PIEZO2: variants seen among roughly 807,000 people sequenced by gnomAD.
PIEZO2 encodes the protein piezo-type mechanosensitive ion channel component 2.
PIEZO2 carries 172 observed loss-of-function variants against 337.3 expected under a neutral mutation model. That is an observed-to-expected ratio of 0.51 (90% CI 0.45 to 0.58). PIEZO2 has a LOEUF of 0.58. Ranked by LOEUF, PIEZO2 falls within the 20% of genes least tolerant of loss-of-function variation. The pLI, the probability that PIEZO2 is intolerant of heterozygous loss-of-function variation, is 0.00. For synonymous variants in PIEZO2, 1,251 were observed against 1,228.5 expected (o/e 1.02, Z -0.38); for missense variants, 3,028 against 3,391.3 (o/e 0.89, Z 2.66).
intron 18 of PIEZO2, among the ~76,000 whole-genome samples, chr18:10,778,868 G>A (rs1420071626): frequency 3.3e-5 from 5 of 152,178 alleles, no homozygotes; most frequent in Non-Finnish European, 5.9e-5. Flanking sequence ...GCTGCCAAGG[G>A]AGCCCATCAA....
intron 3 of PIEZO2, among the ~76,000 whole-genome samples, chr18:10,975,251 T>C (rs2034398714): frequency 6.6e-6 from 1 of 152,210 alleles, no homozygotes; most frequent in South Asian, 2.1e-4. Context: ...CCTTCAAATT[T>C]CACTAACATC....
At chr18:11,140,613 G>T (rs1382874273) in intron 1 of PIEZO2, among the ~76,000 whole-genome samples, 1 of 152,130 alleles carries the variant, frequency 6.6e-6, no homozygotes, top group African/African-American at 2.4e-5. Flanking sequence ...ACAAAGATGG[G>T]TGTTAGTGTA....
Position 10,701,000 on chromosome 18 carries a change from T to C in PIEZO2, c.6441+989A>G, listed in dbSNP as rs575274877. On this transcript the variant is annotated intron_variant, in intron 43 of 55. Coordinates refer to ENST00000674853, the MANE Select transcript of PIEZO2 (RefSeq NM_001378183.1). ...CACTCAGATGAAACCGAGTTTGAAA[T>C]AGCTCACTGAGCTAGGGCAGAAGAA... Among the ~76,000 whole-genome samples, 3 of 152,308 alleles carry C rather than the reference T, an allele frequency of 2.0e-5. No homozygotes were observed. In the South Asian group the frequency reaches 6.2e-4, roughly 32 times the overall value.
rs561477743 is a variant in PIEZO2 at position 11,083,191 on chromosome 18, A to G, written c.65-16969T>C. On this transcript the variant is annotated intron_variant, in intron 1 of 55. Transcript: ENST00000674853. This position sits in a 1 kb window ranked among gnomAD's most constrained non-coding sequence, Gnocchi z 4.4. ...ATAAAGACAGACTTCTCTTAGACAA[A>G]TGTGAATATGCTGATTTTACAGATG... Among the ~76,000 whole-genome samples the G allele has an allele frequency of 6.6e-6, 1 of 152,328 alleles. No individual in the cohort carries two copies. Among genetic ancestry groups the G allele is most frequent in the Admixed American group, 6.5e-5 (1 of 15,296 alleles).
At position 11,105,770 on chromosome 18, in the gene PIEZO2, A is replaced by G. The variant is rs144528471; in HGVS notation, c.65-39548T>C. On this transcript the variant is annotated intron_variant, in intron 1 of 55. Coordinates refer to ENST00000674853, the MANE Select transcript of PIEZO2 (RefSeq NM_001378183.1). This position sits in a 1 kb window ranked among gnomAD's most constrained non-coding sequence, Gnocchi z 4.3. Reference sequence around the variant, plus strand: ...AAAGCTCCGTAACCATATAAAAGTTATATTATAAAAGATAAGCAAAATTAC... The same window carrying G: ...AAAGCTCCGTAACCATATAAAAGTTGTATTATAAAAGATAAGCAAAATTAC... Among the ~76,000 whole-genome samples the G allele has an allele frequency of 2.8e-3, 431 of 152,266 alleles. 1 individual carries two copies. Among genetic ancestry groups the G allele is most frequent in the Non-Finnish European group, 5.2e-3 (357 of 68,030 alleles).
chr18:10,961,885 G>T (rs1273254205), intron 3 of PIEZO2, among the ~76,000 whole-genome samples: 1 of 151,950 alleles, frequency 6.6e-6, no homozygotes, highest in East Asian at 1.9e-4. Flanking sequence ...AAATAACAAA[G>T]AAATAGACAC....
At position 10,778,836 on chromosome 18, in the gene PIEZO2, G is replaced by A. The variant is rs1024200045; in HGVS notation, c.2534+1489C>T. ...ATTCATGATATAAGTCTCGTCCTTC[G>A]GGATCAAAAGTCATACGAGTTGCTG... On this transcript the variant is annotated intron_variant, in intron 18 of 55. Transcript: ENST00000674853. 1.2e-4 allele frequency among the ~76,000 whole-genome samples: 18 copies of A among 152,270 alleles called. 1 individual carries two copies. In the South Asian group the frequency reaches 1.7e-3, roughly 14 times the overall value.
chr18:10,868,863 G>A (rs538862389), intron 5 of PIEZO2, among the ~76,000 whole-genome samples: 2 of 152,280 alleles, frequency 1.3e-5, no homozygotes, highest in South Asian at 4.1e-4. Context: ...GGCTTTCTTA[G>A]TCCTATGGCA....
intron 39 of PIEZO2, chr18:10,709,411 A>G (rs903342509): frequency 6.6e-6 from 1 of 152,272 alleles, no homozygotes; most frequent in African/African-American, 2.4e-5. Context: ...GATCCTCTAC[A>G]GAAAGCAACT....
chr18:10,704,633 G>T lies in PIEZO2; in HGVS notation c.6019C>A (p.Leu2007Ile). Residue 2007 changes from leucine to isoleucine, a missense_variant, in exon 42 of 56, where the codon CTT becomes ATT. Around this residue, in one of 5 missense-constraint regions of PIEZO2, gnomAD observed 1,925 missense variants for 2,051.9 expected, o/e 0.94. Coordinates refer to ENST00000674853, the MANE Select transcript of PIEZO2 (RefSeq NM_001378183.1). ...ACGTAGAATTTCTCTGACTCTTCAA[G>T]CTCATCGTCGTGAAACATCCTGTTA... ...LLKKMFHDDE[L>I]EESEKFYVGQ... The T allele has an allele frequency of 6.5e-7, 1 of 1,536,766 alleles. No homozygotes were observed. Among genetic ancestry groups the T allele is most frequent in the South Asian group, 1.2e-5 (1 of 84,056 alleles).
In PIEZO2 at chr18:10,979,522, C is replaced by G; in HGVS notation, c.286+13G>C. 6.6e-7 allele frequency: 1 copy of G among 1,512,650 alleles called. No individual in the cohort carries two copies. The highest frequency in any genetic ancestry group is 8.8e-7 in the Non-Finnish European group (1 of 1,132,010). The allele number at this position is 1,512,650 out of a possible 1,614,324, so 93.7% of individuals were successfully genotyped here. A position where few individuals can be genotyped will look rare whatever the true frequency, so the allele number is the denominator to read the frequency against. ...TAAAAGAAAACAATAAAAGAAAACA[C>G]CATAATACTCACAGTTGTAGCCAGG... On this transcript the variant is annotated intron_variant, in intron 3 of 55. Coordinates refer to ENST00000674853, the MANE Select transcript of PIEZO2 (RefSeq NM_001378183.1). This position sits in a 1 kb window ranked among gnomAD's most constrained non-coding sequence, Gnocchi z 4.0.
rs762980640 is a variant in PIEZO2 at position 11,021,780 on chromosome 18, C to T, written c.161-42120G>A. 6.6e-6 allele frequency among the ~76,000 whole-genome samples: 1 copy of T among 152,218 alleles called. No individual in the cohort carries two copies. Among genetic ancestry groups the T allele is most frequent in the Non-Finnish European group, 1.5e-5 (1 of 68,040 alleles). ...ACCTGCAGTGTGTGTGAGGCATCAT[C>T]TAGACGCTGGGGGACTGCAGATGCA... is the stretch of plus-strand genomic sequence containing the variant. On this transcript the variant is annotated intron_variant, in intron 2 of 55. Coordinates refer to ENST00000674853, the MANE Select transcript of PIEZO2 (RefSeq NM_001378183.1). This position sits in a 1 kb window ranked among gnomAD's most constrained non-coding sequence, Gnocchi z 4.7.
rs2035979206 is a variant in PIEZO2 at position 10,715,579 on chromosome 18, G to A, written c.5256+71C>T. The stretch of plus-strand genomic sequence containing the variant: ...AGGGCTTTGTCTTATCCTACCTGGA[G>A]TTTTGGACATTGACTTTTAATGTCT... On this transcript the variant is annotated intron_variant, in intron 38 of 55. Coordinates refer to ENST00000674853, the MANE Select transcript of PIEZO2 (RefSeq NM_001378183.1). 4.4e-6 allele frequency: 6 copies of A among 1,374,678 alleles called. No individual in the cohort carries two copies. In the East Asian group the frequency reaches 1.0e-4, roughly 23 times the overall value. The allele number at this position is 1,374,678 out of a possible 1,614,324, so 85.2% of individuals were successfully genotyped here.
At chr18:10,718,404 T>C in intron 36 of PIEZO2, 145 bp from the exon 37 acceptor site, 1 of 686,930 alleles carries the variant, frequency 1.5e-6, no homozygotes, top group Non-Finnish European at 2.4e-6. Context: ...GTTGTTAGAA[T>C]TCATAGCTCT....
intron 47 of PIEZO2, among the ~76,000 whole-genome samples, chr18:10,694,553 G>A (rs73395402): frequency 1.1e-4 from 17 of 152,136 alleles, no homozygotes; most frequent in Middle Eastern, 3.4e-3. Flanking sequence ...ATCATTGACC[G>A]GGCACAGTGG....
At chr18:10,985,559 G>T (rs1216964675) in intron 2 of PIEZO2, among the ~76,000 whole-genome samples, 1 of 151,910 alleles carries the variant, frequency 6.6e-6, no homozygotes, top group African/African-American at 2.4e-5. Flanking sequence ...TGTTTTTTAT[G>T]CCAGTAGCAT....
chr18:10,691,415 T>G, intron 47 of PIEZO2, 32 bp from the exon 48 acceptor site: 1 of 1,595,428 alleles, frequency 6.3e-7, no homozygotes. Flanking sequence ...AGTGAAGCAA[T>G]GAAATACTCT....
rs571848131 is a variant in PIEZO2, at chr18:11,134,377, C to G, written c.64+14148G>C. Among the ~76,000 whole-genome samples the G allele has an allele frequency of 1.3e-3, 202 of 152,218 alleles. 1 individual carries two copies. The Middle Eastern group carries it at 0.014, about 10-fold the overall frequency. The stretch of plus-strand genomic sequence containing the variant: ...CTTTGTTTTTCTAAAATAAAGAGTA[C>G]AAACCAAAGTCCACAAGCACACGTA... On this transcript the variant is annotated intron_variant, in intron 1 of 55. Transcript: ENST00000674853.
intron 1 of PIEZO2, among the ~76,000 whole-genome samples, chr18:11,075,724 C>A (rs1247645518): frequency 6.6e-6 from 1 of 151,560 alleles, no homozygotes; most frequent in African/African-American, 2.4e-5. Context: ...GTGTCAGATT[C>A]TTTATGCACA....
Sources: gnomAD v4.1 joint callset for allele counts (sites outside exome capture counted in the v4.1 genomes callset) on GRCh38, gnomAD v4.1.1 for gene constraint, gnomAD v4.1.1 regional missense constraint, Gnocchi (gnomAD v3.1) non-coding constraint, MANE v1.5 for transcripts, NCBI Gene and HGNC (gene_info 2026-07-23, HGNC 2026-07-21) for gene names.